The following TBC1D30 variants were observed in gnomAD, a reference collection of about 807,000 sequenced individuals.
TBC1D30 encodes the protein TBC1 domain family member 30, also known as TBC1 domain family, member 30.
A neutral mutation model predicts 63.2 loss-of-function variants in TBC1D30; 31 were observed. The observed-to-expected ratio is 0.49, with a 90% CI of 0.37 to 0.66. The LOEUF (loss-of-function observed/expected upper bound fraction) is 0.66. TBC1D30 is among the 30% of genes least tolerant of loss of function. The pLI, the probability that TBC1D30 is intolerant of heterozygous loss-of-function variation, is 0.00. For synonymous variants in TBC1D30, 307 were observed against 361.5 expected (o/e 0.85, Z 1.71); for missense variants, 810 against 953.6 (o/e 0.85, Z 1.98).
chr12:64,830,952 G>C (rs1359029708), intron 4 of TBC1D30, among the ~76,000 whole-genome samples: 5 of 152,170 alleles, frequency 3.3e-5, no homozygotes, highest in Non-Finnish European at 7.3e-5. Flanking sequence ...CCAAATACTT[G>C]TGGGTTCAAG....
At chr12:64,814,701 C>G (rs1046462893) in intron 2 of TBC1D30, among the ~76,000 whole-genome samples, 6 of 152,104 alleles carry the variant, frequency 3.9e-5, no homozygotes, top group Non-Finnish European at 7.4e-5. Flanking sequence ...GCTGGCACTG[C>G]TATATTAAGT....
rs149810714 is a variant in TBC1D30, at chr12:64,837,483, G to A, written c.763+825G>A. ...CAGGCATTAGATTCTCATAAGGAGCGCGAAACCTAGATCCCTCACGTGCAC... is the reference window on the plus strand; with the variant it reads ...CAGGCATTAGATTCTCATAAGGAGCACGAAACCTAGATCCCTCACGTGCAC... On this transcript the variant is annotated intron_variant, in intron 6 of 11. Coordinates refer to ENST00000539867, the MANE Select transcript of TBC1D30 (RefSeq NM_015279.2). Among the ~76,000 whole-genome samples the A allele has an allele frequency of 2.2e-3, 331 of 151,748 alleles. 2 individuals are homozygous for A. The highest frequency in any genetic ancestry group is 7.6e-3 in the African/African-American group (313 of 41,372).
At chr12:64,763,148 G>A (rs1024634873) in intron 1 of TBC1D30, among the ~76,000 whole-genome samples, 1 of 152,052 alleles carries the variant, frequency 6.6e-6, no homozygotes, top group African/African-American at 2.4e-5. Flanking sequence ...TAGAGATGGG[G>A]TTTCGCCATG....
intron 2 of TBC1D30, among the ~76,000 whole-genome samples, chr12:64,810,533 C>G (rs143315948): frequency 6.6e-6 from 1 of 151,976 alleles, no homozygotes; most frequent in East Asian, 1.9e-4. Flanking sequence ...AACCTGGGAC[C>G]GGGAGGCTGC....
Position 64,843,427 on chromosome 12 carries a change from G to A in TBC1D30, c.980G>A (p.Gly327Glu), listed in dbSNP as rs267603627. Residue 327 changes from glycine (G) to glutamate (E), a missense_variant, in exon 8 of 12, where the codon GGG (glycine) becomes GAG (glutamate). Around this residue, in one of 4 missense-constraint regions of TBC1D30, gnomAD observed 83 missense variants for 121.5 expected, o/e 0.68. Transcript: ENST00000539867. ...ETADEFYSTMGRLTQEMLEND... is the reference protein window; with the variant it reads ...ETADEFYSTMERLTQEMLEND... ...GCAGATGAATTCTACAGCACCATGG[G>A]GCGCCTTACCCAGGAGATGCTAGAG... 6.5e-7 allele frequency: 1 copy of A among 1,536,302 alleles called. No homozygotes were observed. The highest frequency in any genetic ancestry group is 8.7e-7 in the Non-Finnish European group (1 of 1,146,942).
chr12:64,769,543 T>C, intron 1 of TBC1D30, among the ~76,000 whole-genome samples: 1 of 38,602 alleles, frequency 2.6e-5, no homozygotes, highest in Admixed American at 2.7e-4. Flanking sequence ...CGCTGGGCTA[T>C]TTTTTTTTTT....
rs1565699518 is a variant in TBC1D30, at chr12:64,878,678, C to T, written c.*2890C>T. 1 of 397,604 alleles carries T rather than the reference C, an allele frequency of 2.5e-6. No homozygotes were observed. The highest frequency in any genetic ancestry group is 5.1e-6 in the Non-Finnish European group (1 of 196,444). The allele number at this position is 397,604 out of a possible 1,614,324, so 24.6% of individuals were successfully genotyped here. On this transcript the variant is annotated 3_prime_UTR_variant, in exon 12 of 12. Coordinates refer to ENST00000539867, the MANE Select transcript of TBC1D30 (RefSeq NM_015279.2). ...GTGCAAGCATGGAACACTGTTGTGA[C>T]AGTCCCTTCTCCCTTCTTCCTTCTT... is the stretch of plus-strand genomic sequence containing the variant.
intron 7 of TBC1D30, among the ~76,000 whole-genome samples, chr12:64,840,998 A>G (rs371778471): frequency 1.3e-5 from 2 of 152,286 alleles, no homozygotes; most frequent in East Asian, 3.9e-4. Flanking sequence ...TGTGGAGTAG[A>G]TAGGGTTATT....
At chr12:64,852,060 G>T (rs879866687) in intron 8 of TBC1D30, among the ~76,000 whole-genome samples, 2 of 152,070 alleles carry the variant, frequency 1.3e-5, no homozygotes, top group Non-Finnish European at 2.9e-5. Context: ...TTGAATGTTG[G>T]CCTGTCTTGC....
chr12:64,765,490 CAAAAAAAAAAA>C (rs60489979), intron 1 of TBC1D30, among the ~76,000 whole-genome samples: 7 of 17,604 alleles, frequency 4.0e-4, no homozygotes, highest in East Asian at 2.2e-3. Context: ...AGACTGTCTC[CAAAAAAAAAAA>C]AAAAAAAAAA....
chr12:64,810,332 C>T (rs909136147), intron 2 of TBC1D30, among the ~76,000 whole-genome samples: 2 of 152,158 alleles, frequency 1.3e-5, no homozygotes, highest in Admixed American at 6.5e-5. Flanking sequence ...CTATTCCTCC[C>T]CCATCATCGT....
intron 9 of TBC1D30, among the ~76,000 whole-genome samples, chr12:64,866,021 C>G (rs116651911): frequency 1.3e-5 from 2 of 152,060 alleles, no homozygotes; most frequent in Non-Finnish European, 2.9e-5. Flanking sequence ...AGGCACGTAC[C>G]ACCGTGCCTG....
At chr12:64,871,964 A>G (rs1878693512) in intron 11 of TBC1D30, among the ~76,000 whole-genome samples, 1 of 152,214 alleles carries the variant, frequency 6.6e-6, no homozygotes, top group African/African-American at 2.4e-5. Context: ...TTCATCAGGG[A>G]TCAGCAAACT....
rs541943254 is a variant in TBC1D30, at chr12:64,765,406, G to A, written c.-376+5757G>A. ...CAGGAGGATTAGGCAGGAGAATGGC[G>A]TGAACCCGGGAGGTGGAGGTTGAAG... is the stretch of plus-strand genomic sequence containing the variant. On this transcript the variant is annotated intron_variant, in intron 1 of 13. Coordinates refer to the TBC1D30 transcript ENST00000674237. Among the ~76,000 whole-genome samples, 155 of 140,384 alleles carry A rather than the reference G, an allele frequency of 1.1e-3. 1 individual carries two copies. The highest frequency in any genetic ancestry group is 9.7e-4 in the Non-Finnish European group (64 of 66,040). The allele number at this position is 140,384 out of a possible 152,430, so 92.1% of individuals were successfully genotyped here. A position where few individuals can be genotyped will look rare whatever the true frequency, so the allele number is the denominator to read the frequency against.
At chr12:64,826,104 AAAGT>A (rs1220673719) in intron 1 of TBC1D30, among the ~76,000 whole-genome samples, 2 of 152,006 alleles carry the variant, frequency 1.3e-5, no homozygotes, top group African/African-American at 2.4e-5. Flanking sequence ...TCCCACGTTA[AAAGT>A]AAGTGTTTTG....
intron 4 of TBC1D30, 148 bp downstream of exon 4, chr12:64,830,650 TG>T: frequency 1.4e-6 from 1 of 719,528 alleles, no homozygotes. Context: ...AGCTTTTTCA[TG>T]GGGAACCTTG....
At chr12:64,771,140 C>T (rs1158492966) in intron 1 of TBC1D30, among the ~76,000 whole-genome samples, 1 of 151,972 alleles carries the variant, frequency 6.6e-6, no homozygotes, top group South Asian at 2.1e-4. Flanking sequence ...ATCCTGGTAG[C>T]AGGTCCTAGC....
intron 2 of TBC1D30, chr12:64,787,421 G>A: frequency 1.0e-6 from 1 of 959,662 alleles, no homozygotes; most frequent in Non-Finnish European, 1.2e-6. Context: ...TTGATAAAAT[G>A]CCTGTGACAG....
intron 11 of TBC1D30, among the ~76,000 whole-genome samples, chr12:64,874,630 TA>T (rs1174203896): frequency 6.6e-6 from 1 of 152,198 alleles, no homozygotes; most frequent in Non-Finnish European, 1.5e-5. Flanking sequence ...TTTGTTGTAT[TA>T]TTTTTTTTAA....
Sources: gnomAD v4.1 joint callset for allele counts (sites outside exome capture counted in the v4.1 genomes callset) on GRCh38, gnomAD v4.1.1 for gene constraint, gnomAD v4.1.1 regional missense constraint, MANE v1.5 for transcripts, NCBI Gene and HGNC (gene_info 2026-07-23, HGNC 2026-07-21) for gene names.